DPP10: variants seen among roughly 807,000 people sequenced by gnomAD.
DPP10 encodes the protein dipeptidyl peptidase like 10, also known as inactive dipeptidyl peptidase 10.
In DPP10, 33 loss-of-function variants were observed where a neutral mutation model predicts 120.9. The ratio of observed to expected loss-of-function variants is 0.27; its 90% CI spans 0.21 to 0.37. The LOEUF (loss-of-function observed/expected upper bound fraction) is 0.37, where lower values mean the gene tolerates loss of function less well. DPP10 is among the 10% of genes least tolerant of loss of function. The probability of loss-of-function intolerance (pLI) is 1.00; values close to 1 mark genes in which losing one functional copy is unlikely to be tolerated. For missense variants in DPP10, 816 were observed against 942.8 expected (o/e 0.87, Z 1.76); for synonymous variants, 337 against 326.1 (o/e 1.03, Z -0.36).
In DPP10 at chr2:115,668,403, C is replaced by T. The variant is rs185259864; in HGVS notation, c.442-21284C>T. On this transcript the variant is annotated intron_variant, in intron 5 of 25. Coordinates refer to ENST00000410059, the MANE Select transcript of DPP10 (RefSeq NM_020868.6). ...TTCACTTTTCTCTCTGTCTTACATGCTCATTCACCATGTGATGCCTTCCAC... is the reference window on the plus strand; with the variant it reads ...TTCACTTTTCTCTCTGTCTTACATGTTCATTCACCATGTGATGCCTTCCAC... Among the ~76,000 whole-genome samples the T allele has an allele frequency of 3.7e-3, 564 of 152,210 alleles. 3 individuals are homozygous for T. Among genetic ancestry groups the T allele is most frequent in the African/African-American group, 0.013 (546 of 41,528 alleles).
intron 1 of DPP10, among the ~76,000 whole-genome samples, chr2:115,070,620 G>A (rs775873106): frequency 1.3e-5 from 2 of 152,046 alleles, no homozygotes; most frequent in Non-Finnish European, 2.9e-5. Flanking sequence ...CCATAGTATT[G>A]ACTATCAAAC....
At chr2:114,755,906 A>G (rs75348297) in intron 1 of DPP10, among the ~76,000 whole-genome samples, 4,926 of 150,462 alleles carry the variant, frequency 0.033, 126 homozygotes, top group Middle Eastern at 0.069. Flanking sequence ...AGTATTTTCT[A>G]TGTGTCAGTA....
At chr2:115,770,521 A>G (rs987593186) in intron 13 of DPP10, among the ~76,000 whole-genome samples, 1 of 151,758 alleles carries the variant, frequency 6.6e-6, no homozygotes, top group African/African-American at 2.4e-5. Context: ...ATGATTATTT[A>G]TGAATATTTT....
At chr2:115,117,931 G>A (rs1016986293) in intron 1 of DPP10, among the ~76,000 whole-genome samples, 1 of 152,054 alleles carries the variant, frequency 6.6e-6, no homozygotes, top group Non-Finnish European at 1.5e-5. Context: ...CATCTAAGAG[G>A]GAGAAAATAT....
At chr2:114,607,310 A>G (rs990028724) in intron 1 of DPP10, among the ~76,000 whole-genome samples, 87 of 152,276 alleles carry the variant, frequency 5.7e-4, no homozygotes, top group African/African-American at 2.0e-3. Flanking sequence ...GTGTGGATAG[A>G]TACAACTGAG....
At chr2:115,541,851 G>A (rs966312573) in intron 5 of DPP10, among the ~76,000 whole-genome samples, 7 of 151,736 alleles carry the variant, frequency 4.6e-5, no homozygotes, top group East Asian at 1.9e-4. Flanking sequence ...AGTAAATTAC[G>A]TAGCATGTTA....
chr2:114,726,323 C>T lies in DPP10; in HGVS notation c.60+283485C>T, dbSNP rs1702048162. Among the ~76,000 whole-genome samples, 3 of 152,062 alleles carry T rather than the reference C, an allele frequency of 2.0e-5. No homozygotes were observed. In the South Asian group the frequency reaches 6.2e-4, roughly 32 times the overall value. On this transcript the variant is annotated intron_variant, in intron 1 of 25. Coordinates refer to ENST00000410059, the MANE Select transcript of DPP10 (RefSeq NM_020868.6). Reference sequence around the variant, plus strand: ...ATGGTTCAGATGAACCAGTGATCTCCTCAAATTGATGTCCAGTGCCTCACT... The same window carrying T: ...ATGGTTCAGATGAACCAGTGATCTCTTCAAATTGATGTCCAGTGCCTCACT...
chr2:114,495,674 A>T (rs1165463164), intron 1 of DPP10, among the ~76,000 whole-genome samples: 1 of 152,206 alleles, frequency 6.6e-6, no homozygotes, highest in African/African-American at 2.4e-5. Context: ...AGGTGTTGCC[A>T]TTGGATGTCA....
chr2:115,812,199 A>G (rs1469802832), intron 19 of DPP10, among the ~76,000 whole-genome samples: 1 of 152,176 alleles, frequency 6.6e-6, no homozygotes, highest in East Asian at 1.9e-4. Flanking sequence ...CTTAGTATTC[A>G]AAGGTGAAGT....
At chr2:115,689,035 A>T (rs1191876772) in intron 5 of DPP10, among the ~76,000 whole-genome samples, 2 of 152,192 alleles carry the variant, frequency 1.3e-5, no homozygotes, top group African/African-American at 4.8e-5. Flanking sequence ...ATGCAAAGGT[A>T]ATAGACACCT....
At chr2:114,910,008 A>G (rs1574468085) in intron 1 of DPP10, among the ~76,000 whole-genome samples, 2 of 151,858 alleles carry the variant, frequency 1.3e-5, no homozygotes, top group Admixed American at 1.3e-4. Context: ...ATCTATATCT[A>G]TATATAAACA....
chr2:115,428,243 C>T (rs951355626), intron 3 of DPP10, among the ~76,000 whole-genome samples: 1 of 152,196 alleles, frequency 6.6e-6, no homozygotes, highest in African/African-American at 2.4e-5. Flanking sequence ...ACCCTCCACA[C>T]TGTTCCAGCC....
chr2:114,904,217 G>A (rs1372852217), intron 1 of DPP10, among the ~76,000 whole-genome samples: 1 of 152,112 alleles, frequency 6.6e-6, no homozygotes, highest in Non-Finnish European at 1.5e-5. Context: ...AGACTATATA[G>A]CCATGAAAAG....
intron 1 of DPP10, among the ~76,000 whole-genome samples, chr2:115,236,145 T>A (rs1295776385): frequency 6.6e-6 from 1 of 152,226 alleles, no homozygotes; most frequent in Non-Finnish European, 1.5e-5. Flanking sequence ...GAGTTCTTTT[T>A]GCGTGTCTGA....
intron 1 of DPP10, among the ~76,000 whole-genome samples, chr2:114,572,293 G>A (rs528134841): frequency 9.3e-4 from 141 of 152,222 alleles, no homozygotes; most frequent in African/African-American, 3.2e-3. Context: ...AATGTAAGGT[G>A]TTACCTAGAT....
chr2:114,836,405 G>A (rs188085709), intron 1 of DPP10, among the ~76,000 whole-genome samples: 42 of 152,254 alleles, frequency 2.8e-4, no homozygotes, highest in African/African-American at 9.9e-4. Flanking sequence ...GGGCTTCCGG[G>A]GGAGAAATCA....
intron 1 of DPP10, among the ~76,000 whole-genome samples, chr2:114,604,784 G>C (rs1347038944): frequency 1.3e-5 from 2 of 152,062 alleles, no homozygotes; most frequent in Non-Finnish European, 2.9e-5. Context: ...TCTTATACTT[G>C]AAATTCTGTA....
intron 1 of DPP10, among the ~76,000 whole-genome samples, chr2:114,803,127 T>C (rs1007200375): frequency 1.3e-5 from 2 of 152,172 alleles, no homozygotes; most frequent in Non-Finnish European, 2.9e-5. Context: ...TGAATAAGTC[T>C]CAGAGATCCG....
At chr2:115,141,685 C>T (rs1169283888) in intron 1 of DPP10, among the ~76,000 whole-genome samples, 1 of 152,108 alleles carries the variant, frequency 6.6e-6, no homozygotes, top group Non-Finnish European at 1.5e-5. Flanking sequence ...AGGATTTAGT[C>T]CATGCTGTCT....
Sources: gnomAD v4.1 joint callset for allele counts (sites outside exome capture counted in the v4.1 genomes callset) on GRCh38, gnomAD v4.1.1 for gene constraint, MANE v1.5 for transcripts, NCBI Gene and HGNC (gene_info 2026-07-23, HGNC 2026-07-21) for gene names.